Variants in KAT6A observed in about 807,000 individuals in gnomAD.
The protein encoded by KAT6A is lysine acetyltransferase 6A.
In KAT6A, 9 loss-of-function variants were observed where a neutral mutation model predicts 198.4. That is an observed-to-expected ratio of 0.05 (90% CI 0.03 to 0.08). KAT6A has a LOEUF of 0.08. KAT6A is among the 10% of genes least tolerant of loss of function. The probability of loss-of-function intolerance (pLI) is 1.00; values close to 1 mark genes in which losing one functional copy is unlikely to be tolerated. For missense variants in KAT6A, 2,077 were observed against 2,509.9 expected (o/e 0.83, Z 3.69); for synonymous variants, 890 against 883.0 (o/e 1.01, Z -0.14).
intron 8 of KAT6A, among the ~76,000 whole-genome samples, chr8:41,962,095 G>GT (rs960221230): frequency 9.2e-5 from 14 of 151,848 alleles, no homozygotes; most frequent in African/African-American, 2.2e-4. Flanking sequence ...ACACCTTCAT[G>GT]TTTTTTTTCC....
chr8:42,046,310 T>C (rs1007281150), intron 2 of KAT6A, among the ~76,000 whole-genome samples: 2 of 151,264 alleles, frequency 1.3e-5, no homozygotes, highest in African/African-American at 4.9e-5. Context: ...CAGAGGCGGG[T>C]GGATCACTCG....
At chr8:41,984,091 C>T (rs978568094) in intron 3 of KAT6A, among the ~76,000 whole-genome samples, 11 of 152,204 alleles carry the variant, frequency 7.2e-5, no homozygotes, top group African/African-American at 2.7e-4. Flanking sequence ...AAAATATCAA[C>T]GTTCATGTAT....
At chr8:42,019,582 T>C (rs1015216259) in intron 2 of KAT6A, among the ~76,000 whole-genome samples, 2 of 152,236 alleles carry the variant, frequency 1.3e-5, no homozygotes, top group Middle Eastern at 3.2e-3. Context: ...AGAGGTTAAC[T>C]ACTCTGCCAA....
At chr8:41,939,174 C>G (rs919277278) in intron 15 of KAT6A, among the ~76,000 whole-genome samples, 1 of 152,012 alleles carries the variant, frequency 6.6e-6, no homozygotes, top group African/African-American at 2.4e-5. Flanking sequence ...ATCTCCCAAG[C>G]AGAAATTCAA....
At chr8:41,975,707 C>T (rs934554728) in intron 7 of KAT6A, among the ~76,000 whole-genome samples, 14 of 152,156 alleles carry the variant, frequency 9.2e-5, no homozygotes, top group Non-Finnish European at 2.1e-4. Flanking sequence ...GGTACTTAAA[C>T]TTTATAATTC....
At chr8:42,048,037 T>TA (rs1280090288) in intron 2 of KAT6A, among the ~76,000 whole-genome samples, 4 of 151,956 alleles carry the variant, frequency 2.6e-5, no homozygotes, top group Admixed American at 6.6e-5. Context: ...AACCTTTAGT[T>TA]AAAGTTTTAA....
chr8:41,952,924 T>C (rs983771553), intron 9 of KAT6A, among the ~76,000 whole-genome samples: 4 of 152,124 alleles, frequency 2.6e-5, no homozygotes, highest in South Asian at 2.1e-4. Context: ...TATTTTCTAA[T>C]TGAAAACTCA....
rs895876070 is a variant in KAT6A, at chr8:41,933,888, C to A, written c.4332G>T (p.Gln1444His). The change falls in exon 17 of 17, where the codon CAG becomes CAT. Residue 1444 changes from glutamine to histidine, a missense_variant. Physicochemically the swap from Gln to His is conservative, Grantham distance 24. Around this residue, in one of 13 missense-constraint regions of KAT6A, gnomAD observed 178 missense variants for 220.8 expected, o/e 0.81. Transcript: ENST00000265713. The surrounding 1 kb of genome is among the most constrained non-coding windows in gnomAD (Gnocchi z 6.2). ...EESSEHEGAYQDCEETLAACQ... is the reference protein window; with the variant it reads ...EESSEHEGAYHDCEETLAACQ... ...ACGCCGCAAGAGTTTCCTCACAGTC[C>A]TGGTAGGCGCCCTCATGCTCACTGC... is the stretch of plus-strand genomic sequence containing the variant. 6.2e-7 allele frequency: 1 copy of A among 1,614,180 alleles called. No homozygotes were observed. The highest frequency in any genetic ancestry group is 1.3e-5 in the African/African-American group (1 of 75,058).
Position 41,977,223 on chromosome 8 carries a change from T to G in KAT6A, c.1148A>C (p.Tyr383Ser), listed in dbSNP as rs779715729. Reference protein sequence around the residue: ...QSASSSSEEGYLERIDGLDFC... With the variant: ...QSASSSSEEGSLERIDGLDFC... ...GTCCAAGCCATCTATCCGCTCTAAA[T>G]ATCCTTCTTCTGATGATGATGATGC... Residue 383 changes from tyrosine (Y) to serine (S), a missense_variant, in exon 7 of 17, where the codon TAT (tyrosine) becomes TCT (serine). Tyr to Ser is a moderately radical substitution (Grantham distance 144, BLOSUM62 -2). Around this residue, in one of 13 missense-constraint regions of KAT6A, gnomAD observed 206 missense variants for 214.9 expected, o/e 0.96. Coordinates refer to ENST00000265713, the MANE Select transcript of KAT6A (RefSeq NM_006766.5). 8.7e-6 allele frequency: 14 copies of G among 1,614,098 alleles called. No individual in the cohort carries two copies. The highest frequency in any genetic ancestry group is 1.2e-5 in the Non-Finnish European group (14 of 1,180,034).
At chr8:42,007,718 T>G (rs1825815583) in intron 2 of KAT6A, among the ~76,000 whole-genome samples, 1 of 152,090 alleles carries the variant, frequency 6.6e-6, no homozygotes, top group Non-Finnish European at 1.5e-5. Flanking sequence ...ATCCCAGGGC[T>G]TTGGGAGGCC....
At chr8:41,951,914 T>C (rs1044268578) in intron 9 of KAT6A, among the ~76,000 whole-genome samples, 1 of 152,174 alleles carries the variant, frequency 6.6e-6, no homozygotes, top group Non-Finnish European at 1.5e-5. Context: ...TGGAGCAGCG[T>C]AGGCCCAGTG....
intron 2 of KAT6A, among the ~76,000 whole-genome samples, chr8:42,033,848 TAAAC>T (rs1266647828): frequency 3.3e-5 from 5 of 151,788 alleles, no homozygotes; most frequent in East Asian, 3.9e-4. Flanking sequence ...AAATTAAAAA[TAAAC>T]AAAACAATCA....
Position 42,048,659 on chromosome 8 carries a change from C to A in KAT6A, c.319G>T (p.Val107Phe), listed in dbSNP as rs376204848. 2 of 1,614,124 alleles carry A rather than the reference C, an allele frequency of 1.2e-6. No homozygotes were observed. The highest frequency in any genetic ancestry group is 2.2e-5 in the East Asian group (1 of 44,900). ...VDWNKLIKRA[V>F]EGLAESGGST... The stretch of plus-strand genomic sequence containing the variant: ...CCACCAGACTCTGCCAAGCCCTCAA[C>A]TGCCCGCTTTATCAGTTTATTCCAA... Residue 107 changes from valine (V) to phenylalanine (F), a missense_variant, in exon 2 of 17, where the codon GTT (valine) becomes TTT (phenylalanine). Val to Phe is a conservative substitution (Grantham distance 50). Around this residue, in one of 13 missense-constraint regions of KAT6A, gnomAD observed 185 missense variants for 185.7 expected, o/e 1.00. Transcript: ENST00000265713.
At chr8:41,940,235 A>G (rs1316559119) in intron 15 of KAT6A, among the ~76,000 whole-genome samples, 1 of 152,210 alleles carries the variant, frequency 6.6e-6, no homozygotes, top group Non-Finnish European at 1.5e-5. Flanking sequence ...ATCATTGTAC[A>G]TTATTTAATA....
At chr8:41,965,475 A>G (rs1823425418) in intron 8 of KAT6A, among the ~76,000 whole-genome samples, 1 of 152,184 alleles carries the variant, frequency 6.6e-6, no homozygotes, top group Admixed American at 6.5e-5. Context: ...TTTCTGCATT[A>G]CCTTTATGAG....
chr8:42,034,300 C>T (rs1827268191), intron 2 of KAT6A, among the ~76,000 whole-genome samples: 1 of 152,108 alleles, frequency 6.6e-6, no homozygotes, highest in African/African-American at 2.4e-5. Flanking sequence ...ATTGAATAGG[C>T]CTGAAATATG....
At chr8:41,953,897 A>C (rs1822793062) in intron 9 of KAT6A, among the ~76,000 whole-genome samples, 1 of 152,358 alleles carries the variant, frequency 6.6e-6, no homozygotes, top group Non-Finnish European at 1.5e-5. Context: ...TACAATACAT[A>C]CATGTATAAT....
intron 2 of KAT6A, among the ~76,000 whole-genome samples, chr8:42,010,792 C>T (rs529000153): frequency 1.4e-4 from 22 of 152,150 alleles, no homozygotes; most frequent in Non-Finnish European, 2.9e-4. Flanking sequence ...CTACTATGTG[C>T]CCAACCATTC....
At chr8:41,993,039 C>A (rs1825018388) in intron 2 of KAT6A, among the ~76,000 whole-genome samples, 1 of 152,116 alleles carries the variant, frequency 6.6e-6, no homozygotes, top group Non-Finnish European at 1.5e-5. Flanking sequence ...AACTAAGAAA[C>A]CGCTAGCAAA....
Sources: gnomAD v4.1 joint callset for allele counts (sites outside exome capture counted in the v4.1 genomes callset) on GRCh38, gnomAD v4.1.1 for gene constraint, gnomAD v4.1.1 regional missense constraint, Gnocchi (gnomAD v3.1) non-coding constraint, MANE v1.5 for transcripts, NCBI Gene and HGNC (gene_info 2026-07-23, HGNC 2026-07-21) for gene names.